The following EYS variants were observed in gnomAD, a reference collection of about 807,000 sequenced individuals.
EYS encodes the protein protein eyes shut homolog.
EYS carries 250 observed loss-of-function variants against 282.1 expected under a neutral mutation model. That is an observed-to-expected ratio of 0.89 (90% CI 0.80 to 0.98). EYS has a LOEUF of 0.98. Ranked by LOEUF, EYS falls within the 50% of genes least tolerant of loss-of-function variation. EYS has a pLI of 0.00. For missense variants in EYS, 4,016 were observed against 3,709.0 expected (o/e 1.08, Z -2.15); for synonymous variants, 1,355 against 1,282.9 (o/e 1.06, Z -1.20).
chr6:64,027,526 C>T (rs6922887), intron 33 of EYS, among the ~76,000 whole-genome samples: 46,442 of 151,820 alleles, frequency 0.31, 7,374 homozygotes, highest in Middle Eastern at 0.37. Context: ...GGAACAGGCC[C>T]GAAAGGAAAA....
chr6:64,620,541 A>G (rs944454031), intron 23 of EYS, among the ~76,000 whole-genome samples: 1 of 152,174 alleles, frequency 6.6e-6, no homozygotes, highest in African/African-American at 2.4e-5. Flanking sequence ...CCTCTGCAGT[A>G]CAGGAAACCA....
At position 64,902,189 on chromosome 6, in the gene EYS, G is replaced by C. The variant is rs1040002337; in HGVS notation, c.2770C>G (p.Leu924Val). Residue 924 changes from leucine (L) to valine (V), a missense_variant, in exon 18 of 43, where the codon CTG becomes GTG. Coordinates refer to ENST00000503581, the MANE Select transcript of EYS (RefSeq NM_001142800.2). ...CATTCATTAATTTCAATTTCACACAGAGATCCAGAAAACCCAGGTCTGCAA... is the reference window on the plus strand; with the variant it reads ...CATTCATTAATTTCAATTTCACACACAGATCCAGAAAACCCAGGTCTGCAA... Reference protein sequence around the residue: ...CICRPGFSGSLCEIEINECSS... With the variant: ...CICRPGFSGSVCEIEINECSS... The C allele has an allele frequency of 3.2e-5, 49 of 1,550,486 alleles. No individual in the cohort carries two copies. Among genetic ancestry groups the C allele is most frequent in the Admixed American group, 3.9e-5 (2 of 50,942 alleles).
intron 19 of EYS, among the ~76,000 whole-genome samples, chr6:64,858,566 T>G (rs9360093): frequency 0.094 from 14,319 of 152,134 alleles, 862 homozygotes; most frequent in East Asian, 0.32. Context: ...ACTTAGGATT[T>G]TTTTCCTATT....
chr6:64,748,653 T>G (rs1772637648), intron 22 of EYS, among the ~76,000 whole-genome samples: 1 of 152,216 alleles, frequency 6.6e-6, no homozygotes, highest in African/African-American at 2.4e-5. Flanking sequence ...GAAAACACAG[T>G]GGAATCTGAA....
chr6:64,702,128 A>T (rs1017731427), intron 22 of EYS, among the ~76,000 whole-genome samples: 14 of 151,960 alleles, frequency 9.2e-5, no homozygotes, highest in African/African-American at 3.1e-4. Context: ...TTTTAAGGGA[A>T]TTGGGCTTCA....
At chr6:64,785,465 A>G (rs945516131) in intron 22 of EYS, among the ~76,000 whole-genome samples, 12 of 152,172 alleles carry the variant, frequency 7.9e-5, no homozygotes, top group African/African-American at 2.7e-4. Context: ...TAATTTTCTT[A>G]TTTCAGAATT....
rs1764361252 is a variant in EYS, at chr6:65,353,446, T to C, written c.1459+12A>G. On this transcript the variant is annotated intron_variant, in intron 9 of 42. Coordinates refer to ENST00000503581, the MANE Select transcript of EYS (RefSeq NM_001142800.2). ...TTCAAGCAGATTGAAAAAAATTACA[T>C]AAATTTGTTACCTGCAAATCCCAAT... 2 of 1,612,086 alleles carry C rather than the reference T, an allele frequency of 1.2e-6. No homozygotes were observed. The highest frequency in any genetic ancestry group is 1.1e-5 in the South Asian group (1 of 91,002).
At chr6:65,120,405 A>G (rs1048996312) in intron 12 of EYS, among the ~76,000 whole-genome samples, 1 of 147,330 alleles carries the variant, frequency 6.8e-6, no homozygotes, top group East Asian at 2.0e-4. Flanking sequence ...AGAGACAAGG[A>G]CTGACATGGC....
At chr6:63,992,783 AAAG>A (rs1767661713) in intron 34 of EYS, among the ~76,000 whole-genome samples, 1 of 151,818 alleles carries the variant, frequency 6.6e-6, no homozygotes, top group Admixed American at 6.6e-5. Context: ...TGAGAAAGTG[AAAG>A]TATGGAAAAA....
intron 22 of EYS, among the ~76,000 whole-genome samples, chr6:64,701,124 G>A (rs913341738): frequency 5.9e-5 from 9 of 151,996 alleles, no homozygotes; most frequent in East Asian, 5.8e-4. Flanking sequence ...CTGGAAAAAG[G>A]ATACCCTATT....
At position 65,329,491 on chromosome 6, in the gene EYS, A is replaced by C. The variant is rs745740128; in HGVS notation, c.1766+5489T>G. The stretch of plus-strand genomic sequence containing the variant: ...AAGTGCCTTAGACAAAAAGATTTAG[A>C]CACTTGATCTAGTGGTTTCAAGACT... On this transcript the variant is annotated intron_variant, in intron 11 of 42. Transcript: ENST00000503581. 2.3e-3 allele frequency: 2,288 copies of C among 977,060 alleles called. 3 individuals carry two copies. The highest frequency in any genetic ancestry group is 2.6e-3 in the Non-Finnish European group (2,155 of 822,620). 60.5% of individuals were successfully genotyped at this position (977,060 alleles called of 1,614,324 possible). A position where few individuals can be genotyped will look rare whatever the true frequency, so the allele number is the denominator to read the frequency against.
At chr6:63,887,830 G>A (rs992589572) in intron 35 of EYS, among the ~76,000 whole-genome samples, 4 of 152,156 alleles carry the variant, frequency 2.6e-5, no homozygotes, top group Non-Finnish European at 5.9e-5. Context: ...CCTGGAAAGG[G>A]GGCTGAAGCC....
At chr6:64,895,106 C>A (rs1391098807) in intron 18 of EYS, among the ~76,000 whole-genome samples, 1 of 151,926 alleles carries the variant, frequency 6.6e-6, no homozygotes, top group Non-Finnish European at 1.5e-5. Context: ...GGTGGTGATT[C>A]CAAACATCCC....
At chr6:65,655,643 CTG>C (rs892442990) in intron 1 of EYS, among the ~76,000 whole-genome samples, 2 of 151,592 alleles carry the variant, frequency 1.3e-5, no homozygotes, top group African/African-American at 4.8e-5. Context: ...TTTGCTGATG[CTG>C]TGTGTTTTTT....
chr6:64,680,329 G>T (rs139525375), intron 22 of EYS, among the ~76,000 whole-genome samples: 1 of 152,218 alleles, frequency 6.6e-6, no homozygotes, highest in Non-Finnish European at 1.5e-5. Context: ...ATAACAAAAT[G>T]ATCATTTTAT....
chr6:65,471,091 C>T (rs1582339443), intron 5 of EYS, among the ~76,000 whole-genome samples: 1 of 151,918 alleles, frequency 6.6e-6, no homozygotes, highest in Non-Finnish European at 1.5e-5. Context: ...GAGCTGAGAT[C>T]GCGCCACTGC....
intron 1 of EYS, among the ~76,000 whole-genome samples, chr6:65,667,653 T>G (rs1178758746): frequency 6.6e-6 from 1 of 151,884 alleles, no homozygotes; most frequent in Non-Finnish European, 1.5e-5. Context: ...ACATGATTGT[T>G]CTCAGAAATT....
At chr6:64,654,800 T>G (rs570824714) in intron 22 of EYS, among the ~76,000 whole-genome samples, 1 of 152,296 alleles carries the variant, frequency 6.6e-6, no homozygotes, top group African/African-American at 2.4e-5. Context: ...CACTGCAAAT[T>G]TATATAGGGA....
At chr6:64,837,343 G>GCCA (rs1426344117) in intron 19 of EYS, among the ~76,000 whole-genome samples, 3 of 151,056 alleles carry the variant, frequency 2.0e-5, no homozygotes, top group African/African-American at 7.3e-5. Flanking sequence ...CAAAATAAAG[G>GCCA]TCATATATGA....
Sources: gnomAD v4.1 joint callset for allele counts (sites outside exome capture counted in the v4.1 genomes callset) on GRCh38, gnomAD v4.1.1 for gene constraint, MANE v1.5 for transcripts, NCBI Gene and HGNC (gene_info 2026-07-23, HGNC 2026-07-21) for gene names.